Variants in MRRF observed in about 807,000 individuals in gnomAD.
MRRF encodes mitochondrial ribosome recycling factor.
Under a neutral mutation model 25.1 loss-of-function variants are expected in MRRF, and 18 were observed. The observed-to-expected ratio is 0.72, with a 90% CI of 0.50 to 1.06. The LOEUF (loss-of-function observed/expected upper bound fraction) is 1.06. MRRF is among the 50% of genes least tolerant of loss of function. The pLI is 0.00. For synonymous variants in MRRF, 113 were observed against 112.1 expected, an observed-to-expected ratio of 1.01 and a Z score of -0.05; for missense variants, 323 against 319.3, an observed-to-expected ratio of 1.01 and a Z score of -0.09.
Position 122,296,929 on chromosome 9 carries a change from C to T in MRRF, c.551+5089C>T, listed in dbSNP as rs141970989. 1.3e-3 allele frequency among the ~76,000 whole-genome samples: 200 copies of T among 152,322 alleles called. 1 individual carries two copies. Among genetic ancestry groups the T allele is most frequent in the African/African-American group, 4.5e-3 (188 of 41,574 alleles). ...GAAACAAAACTACAGATGATTGACT[C>T]ATTCCTCACCAAGTTTGCATCTTTC... On this transcript the variant is annotated intron_variant, in intron 5 of 6. Coordinates refer to ENST00000344641, the MANE Select transcript of MRRF (RefSeq NM_138777.5).
intron 6 of MRRF, among the ~76,000 whole-genome samples, chr9:122,319,344 G>T (rs917288023): frequency 2.0e-5 from 3 of 151,906 alleles, no homozygotes; most frequent in African/African-American, 7.3e-5. Flanking sequence ...TAGAGACGGG[G>T]TTTCTCCGTG....
Position 122,325,631 on chromosome 9 carries a change from G to GGTGTGTGTGTGTGTGTGT in MRRF, c.*3051_*3068dup, listed in dbSNP as rs35981240. Reference sequence around the variant, plus strand: ...GAATTTGAGAATTTTTTTCCTGTCTGGTGTGTGTGTGTGTGTGTGTGTGTG... The same window carrying GGTGTGTGTGTGTGTGTGT: ...GAATTTGAGAATTTTTTTCCTGTCTGGTGTGTGTGTGTGTGTGTGTGTGTGTGTGTGTGTGTGTGTGTG... On this transcript the variant is annotated 3_prime_UTR_variant, in exon 7 of 7. Coordinates refer to ENST00000344641, the MANE Select transcript of MRRF (RefSeq NM_138777.5). 47 of 116,622 alleles carry GGTGTGTGTGTGTGTGTGT rather than the reference G, an allele frequency of 4.0e-4. No individual in the cohort carries two copies. Among genetic ancestry groups the GGTGTGTGTGTGTGTGTGT allele is most frequent in the African/African-American group, 1.0e-3 (30 of 29,052 alleles). The allele number at this position is 116,622 out of a possible 1,614,324, so 7.2% of individuals were successfully genotyped here.
In MRRF at chr9:122,326,591, C is replaced by A. The variant is rs1333292515; in HGVS notation, c.*3974C>A. On this transcript the variant is annotated 3_prime_UTR_variant, in exon 7 of 7. Transcript: ENST00000344641. ...ACCATAACTTAATTCACTATTAGCCCATGACACTATTTAAAAATTATTTCA... is the reference window on the plus strand; with the variant it reads ...ACCATAACTTAATTCACTATTAGCCAATGACACTATTTAAAAATTATTTCA... The A allele has an allele frequency of 1.4e-4, 21 of 151,918 alleles. No homozygotes were observed. The highest frequency in any genetic ancestry group is 7.9e-4 in the Admixed American group (12 of 15,242). The allele number at this position is 151,918 out of a possible 1,614,324, so 9.4% of individuals were successfully genotyped here. A position where few individuals can be genotyped will look rare whatever the true frequency, so the allele number is the denominator to read the frequency against.
At chr9:122,285,669 G>A in intron 4 of MRRF, 1 of 903,464 alleles carries the variant, frequency 1.1e-6, no homozygotes, top group South Asian at 1.7e-5. Flanking sequence ...CTGGTAATCA[G>A]TGTTACCTGA....
intron 4 of MRRF, chr9:122,286,298 C>T: frequency 1.1e-6 from 1 of 919,760 alleles, no homozygotes; most frequent in Non-Finnish European, 1.5e-6. Flanking sequence ...GCTGTGAACA[C>T]ACTGTTTCAA....
Position 122,327,405 on chromosome 9 carries a change from T to G in MRRF, c.*4788T>G, listed in dbSNP as rs962857053. ...TAGACAAAGAGTGATCATAAAAGCTTGTATCCTCAAAAGCCACTTTGAGGC... is the reference window on the plus strand; with the variant it reads ...TAGACAAAGAGTGATCATAAAAGCTGGTATCCTCAAAAGCCACTTTGAGGC... On this transcript the variant is annotated 3_prime_UTR_variant, in exon 7 of 7. Transcript: ENST00000344641. 6.6e-6 allele frequency: 1 copy of G among 152,236 alleles called. No homozygotes were observed. The highest frequency in any genetic ancestry group is 1.5e-5 in the Non-Finnish European group (1 of 68,044). 9.4% of individuals were successfully genotyped at this position (152,236 alleles called of 1,614,324 possible).
chr9:122,316,121 TATC>T (rs1389565258), intron 6 of MRRF, among the ~76,000 whole-genome samples: 1 of 152,234 alleles, frequency 6.6e-6, no homozygotes, highest in Non-Finnish European at 1.5e-5. Flanking sequence ...CAAGAAAAAG[TATC>T]ATACAATTTA....
rs1836165065 is a variant in MRRF, at chr9:122,327,117, C to A, written c.*4500C>A. On this transcript the variant is annotated 3_prime_UTR_variant, in exon 7 of 7. Transcript: ENST00000344641. The stretch of plus-strand genomic sequence containing the variant: ...TGACTGCAAGTAAAATAGCATAGTA[C>A]CTGGCACATTGTAAACACCAAAGAA... 1 of 152,118 alleles carries A rather than the reference C, an allele frequency of 6.6e-6. No homozygotes were observed. Among genetic ancestry groups the A allele is most frequent in the Non-Finnish European group, 1.5e-5 (1 of 68,028 alleles). The allele number at this position is 152,118 out of a possible 1,614,324, so 9.4% of individuals were successfully genotyped here. A position where few individuals can be genotyped will look rare whatever the true frequency, so the allele number is the denominator to read the frequency against.
Position 122,292,882 on chromosome 9 carries a change from A to G in MRRF, c.551+1042A>G, listed in dbSNP as rs187698450. On this transcript the variant is annotated intron_variant, in intron 5 of 6. Coordinates refer to ENST00000344641, the MANE Select transcript of MRRF (RefSeq NM_138777.5). ...TCCCTATTCCTACACAGTGCCTCAT[A>G]TATAGCAAGGCCCAAATAAGTGTTG... is the stretch of plus-strand genomic sequence containing the variant. Among the ~76,000 whole-genome samples, 524 of 152,314 alleles carry G rather than the reference A, an allele frequency of 3.4e-3. 4 individuals are homozygous for G. Among genetic ancestry groups the G allele is most frequent in the African/African-American group, 0.012 (488 of 41,570 alleles).
Position 122,313,210 on chromosome 9 carries a change from CTT to C in MRRF, c.552-14_552-13del. The C allele has an allele frequency of 6.2e-7, 1 of 1,612,910 alleles. No homozygotes were observed. The highest frequency in any genetic ancestry group is 8.5e-7 in the Non-Finnish European group (1 of 1,179,254). On this transcript the variant is annotated splice_polypyrimidine_tract_variant and intron_variant, in intron 5 of 6. Coordinates refer to ENST00000344641, the MANE Select transcript of MRRF (RefSeq NM_138777.5). ...TGTATAGAATGATTTTGTTGAATGTCTTTTGTCTTTTATCAGAGTAACCAGAG... is the reference window on the plus strand; with the variant it reads ...TGTATAGAATGATTTTGTTGAATGTCTTGTCTTTTATCAGAGTAACCAGAG...
chr9:122,301,580 G>A (rs1296514208), intron 5 of MRRF, among the ~76,000 whole-genome samples: 1 of 152,182 alleles, frequency 6.6e-6, no homozygotes. Flanking sequence ...GAGAACAGGA[G>A]TAGACAGGGA....
At chr9:122,268,251 G>A (rs1335331849) in intron 1 of MRRF, among the ~76,000 whole-genome samples, 1 of 152,112 alleles carries the variant, frequency 6.6e-6, no homozygotes. Flanking sequence ...CACGTGTACT[G>A]GGTCTGCTTT....
At chr9:122,278,978 T>G (rs985201520) in intron 2 of MRRF, among the ~76,000 whole-genome samples, 1 of 152,188 alleles carries the variant, frequency 6.6e-6, no homozygotes, top group Admixed American at 6.5e-5. Flanking sequence ...GTTCAAGCGA[T>G]TCTCCTGCCC....
intron 3 of MRRF, among the ~76,000 whole-genome samples, chr9:122,282,528 G>A (rs894414286): frequency 6.6e-6 from 1 of 152,192 alleles, no homozygotes; most frequent in African/African-American, 2.4e-5. Context: ...AAATGACTTG[G>A]AGTTGGTCAG....
rs1273133036 is a variant in MRRF, at chr9:122,291,343, A to G, written c.460-406A>G. 3.9e-5 allele frequency among the ~76,000 whole-genome samples: 6 copies of G among 152,360 alleles called. No individual in the cohort carries two copies. The East Asian group carries it at 1.2e-3, about 29-fold the overall frequency. On this transcript the variant is annotated intron_variant, in intron 4 of 6. Coordinates refer to ENST00000344641, the MANE Select transcript of MRRF (RefSeq NM_138777.5). Reference sequence around the variant, plus strand: ...TTACTCATTCCAAATCGGCACTGGTATATTTTGAGTGTAAAATGTCAACTG... The same window carrying G: ...TTACTCATTCCAAATCGGCACTGGTGTATTTTGAGTGTAAAATGTCAACTG...
At chr9:122,292,862 A>G (rs570617114) in intron 5 of MRRF, among the ~76,000 whole-genome samples, 3 of 152,312 alleles carry the variant, frequency 2.0e-5, no homozygotes, top group Non-Finnish European at 2.9e-5. Flanking sequence ...TTAAATCCCT[A>G]TTCCTACACA....
intron 4 of MRRF, 49 bp downstream of exon 4, chr9:122,285,336 A>G (rs75969167): frequency 9.2e-7 from 1 of 1,088,686 alleles, no homozygotes; most frequent in Non-Finnish European, 1.4e-6. Flanking sequence ...TTTGGAATGG[A>G]GGAGACTGGG....
At chr9:122,278,085 C>CT (rs1191463477) in intron 2 of MRRF, among the ~76,000 whole-genome samples, 1 of 151,912 alleles carries the variant, frequency 6.6e-6, no homozygotes, top group Non-Finnish European at 1.5e-5. Context: ...TGAAATATTC[C>CT]TTTTTTTCCT....
chr9:122,274,595 G>T (rs10429518), intron 2 of MRRF, among the ~76,000 whole-genome samples: 2 of 147,186 alleles, frequency 1.4e-5, no homozygotes, highest in Admixed American at 6.8e-5. Flanking sequence ...TTAAATCATA[G>T]AATTGGTTCC....
Sources: gnomAD v4.1 joint callset for allele counts (sites outside exome capture counted in the v4.1 genomes callset) on GRCh38, gnomAD v4.1.1 for gene constraint, MANE v1.5 for transcripts, NCBI Gene and HGNC (gene_info 2026-07-23, HGNC 2026-07-21) for gene names.